The following PCDHA5 variants were observed in gnomAD, a reference collection of about 807,000 sequenced individuals.
PCDHA5 encodes the protein protocadherin alpha-5.
In PCDHA5, 43 loss-of-function variants were observed where a neutral mutation model predicts 61.6. The observed-to-expected ratio is 0.70, with a 90% CI of 0.55 to 0.90. PCDHA5 has a LOEUF of 0.90. Among genes scored for constraint, PCDHA5 ranks in the 40% least tolerant of loss-of-function variants. The pLI is 0.00. For missense variants in PCDHA5, 1,298 were observed against 1,222.7 expected (o/e 1.06, Z -0.92); for synonymous variants, 627 against 543.9 (o/e 1.15, Z -2.13).
chr5:140,886,884 A>C (rs903199967), intron 1 of PCDHA5, among the ~76,000 whole-genome samples: 9 of 151,846 alleles, frequency 5.9e-5, no homozygotes, highest in African/African-American at 1.9e-4. Flanking sequence ...AACATTCATT[A>C]ATTAAATGCA....
chr5:140,973,362 A>G (rs2096583702), intron 1 of PCDHA5, among the ~76,000 whole-genome samples: 1 of 152,256 alleles, frequency 6.6e-6, no homozygotes, highest in Non-Finnish European at 1.5e-5. Flanking sequence ...ATTTATAAAA[A>G]TTGCACAATG....
chr5:140,976,553 A>C (rs1554237789), intron 1 of PCDHA5, among the ~76,000 whole-genome samples: 1 of 152,074 alleles, frequency 6.6e-6, no homozygotes, highest in African/African-American at 2.4e-5. Flanking sequence ...CCTATCTCAT[A>C]AATAAATAAA....
chr5:140,966,923 G>A (rs781929029), intron 1 of PCDHA5: 36 of 1,602,826 alleles, frequency 2.2e-5, no homozygotes, highest in Non-Finnish European at 3.0e-5. Context: ...AGAGGAGCAG[G>A]CACCCGGCGC....
At chr5:140,961,864 AG>A (rs2095638942) in intron 1 of PCDHA5, among the ~76,000 whole-genome samples, 3 of 151,832 alleles carry the variant, frequency 2.0e-5, no homozygotes, top group Non-Finnish European at 2.9e-5. Context: ...ATCTGGCCAC[AG>A]ATAATTGACT....
intron 1 of PCDHA5, chr5:140,969,449 AG>A (rs1470034134): frequency 2.8e-5 from 43 of 1,510,842 alleles, no homozygotes; most frequent in Non-Finnish European, 3.2e-5. Flanking sequence ...TGGTAAACTG[AG>A]TATATATAGT....
intron 1 of PCDHA5, chr5:140,928,897 G>C: frequency 6.2e-7 from 1 of 1,614,186 alleles, no homozygotes. Flanking sequence ...AGACTTTGAA[G>C]ATGTCTGGGA....
chr5:140,877,121 C>A, intron 1 of PCDHA5: 1 of 1,613,694 alleles, frequency 6.2e-7, no homozygotes, highest in African/African-American at 1.3e-5. Flanking sequence ...AGCAACGTGA[C>A]GCTGCAGGTG....
intron 1 of PCDHA5, among the ~76,000 whole-genome samples, chr5:140,958,951 A>C (rs1212039253): frequency 6.6e-6 from 1 of 151,992 alleles, no homozygotes; most frequent in Non-Finnish European, 1.5e-5. Flanking sequence ...ATATTATATT[A>C]TTATAATTGT....
chr5:140,881,909 G>A (rs941994896), intron 1 of PCDHA5: 2 of 230,500 alleles, frequency 8.7e-6, no homozygotes, highest in Non-Finnish European at 1.7e-5. Context: ...AATATAAAAT[G>A]TTGAGCAGAA....
intron 1 of PCDHA5, among the ~76,000 whole-genome samples, chr5:140,947,229 G>GA (rs201242412): frequency 9.4e-5 from 14 of 148,904 alleles, no homozygotes; most frequent in South Asian, 2.1e-4. Context: ...TTTATGACAG[G>GA]AAAAAAAAAT....
chr5:140,843,374 G>A (rs1778834369), intron 1 of PCDHA5: 1 of 1,596,014 alleles, frequency 6.3e-7, no homozygotes, highest in Non-Finnish European at 8.6e-7. Context: ...GCAGTCGGCT[G>A]GCGTTTTGGG....
chr5:140,919,480 T>C (rs1745975489), intron 1 of PCDHA5, among the ~76,000 whole-genome samples: 1 of 152,198 alleles, frequency 6.6e-6, no homozygotes, highest in Admixed American at 6.5e-5. Context: ...TATTTGGATT[T>C]ATGTTTGTTA....
At chr5:140,979,051 G>T (rs1554240209) in intron 2 of PCDHA5, 44 bp downstream of exon 2, 1 of 1,609,534 alleles carries the variant, frequency 6.2e-7, no homozygotes, top group South Asian at 1.1e-5. Flanking sequence ...ACCTTAACTT[G>T]GTATGGCTCA....
At chr5:140,933,630 C>T (rs2089281438) in intron 1 of PCDHA5, among the ~76,000 whole-genome samples, 1 of 151,952 alleles carries the variant, frequency 6.6e-6, no homozygotes, top group Admixed American at 6.6e-5. Flanking sequence ...TAGGCTGGCC[C>T]TGTTAAACAA....
chr5:140,857,348 C>T lies in PCDHA5; in HGVS notation c.2352+33221C>T, dbSNP rs782358430. 9.4e-6 allele frequency: 15 copies of T among 1,598,398 alleles called. 2 individuals carry two copies. The highest frequency in any genetic ancestry group is 6.7e-5 in the African/African-American group (5 of 74,370). On this transcript the variant is annotated intron_variant, in intron 1 of 3. Coordinates refer to ENST00000529859, the MANE Select transcript of PCDHA5 (RefSeq NM_018908.3). ...CGCGCGGGACGGGGGCTCGCCTCCG[C>T]TGTGGGCCACGGCCAGCGTGTCTGT... is the stretch of plus-strand genomic sequence containing the variant.
chr5:140,976,798 A>G (rs571590033), intron 1 of PCDHA5, among the ~76,000 whole-genome samples: 169 of 152,368 alleles, frequency 1.1e-3, no homozygotes, highest in Admixed American at 1.8e-3. Context: ...GCTTTTATGA[A>G]TATCTGAAGA....
chr5:141,009,494 A>G (rs1554262180), intron 3 of PCDHA5, 133 bp from the exon 4 acceptor site: 16 of 1,488,800 alleles, frequency 1.1e-5, no homozygotes, highest in Non-Finnish European at 1.4e-5. Flanking sequence ...TTGCCCTCAG[A>G]CTTGAACAAA....
At position 140,836,981 on chromosome 5, in the gene PCDHA5, G is replaced by A. The variant is rs183710042; in HGVS notation, c.2352+12854G>A. ...TGTTGGCTACTCTCCATTTTTGGAG[G>A]AGGACTTTGCTAACTGGAGCAATGG... On this transcript the variant is annotated intron_variant, in intron 1 of 3. Coordinates refer to ENST00000529859, the MANE Select transcript of PCDHA5 (RefSeq NM_018908.3). 6.9e-5 allele frequency: 25 copies of A among 364,912 alleles called. 1 individual carries two copies. The highest frequency in any genetic ancestry group is 8.2e-5 in the Non-Finnish European group (17 of 207,076). The allele number at this position is 364,912 out of a possible 1,614,324, so 22.6% of individuals were successfully genotyped here.
At position 140,838,077 on chromosome 5, in the gene PCDHA5, A is replaced by AGTGTGT. The variant is rs57130401; in HGVS notation, c.2352+13999_2352+14004dup. Among the ~76,000 whole-genome samples the AGTGTGT allele has an allele frequency of 1.0e-3, 82 of 80,686 alleles. 1 individual carries two copies. Among genetic ancestry groups the AGTGTGT allele is most frequent in the East Asian group, 2.6e-3 (8 of 3,058 alleles). The allele number at this position is 80,686 out of a possible 152,430, so 52.9% of individuals were successfully genotyped here. A position where few individuals can be genotyped will look rare whatever the true frequency, so the allele number is the denominator to read the frequency against. On this transcript the variant is annotated intron_variant, in intron 1 of 3. Coordinates refer to ENST00000529859, the MANE Select transcript of PCDHA5 (RefSeq NM_018908.3). ...TTTCCACTTTAAGTTATATATATATAGTGTGTGTGTGTGTGTGTGTGTGTG... is the reference window on the plus strand; with the variant it reads ...TTTCCACTTTAAGTTATATATATATAGTGTGTGTGTGTGTGTGTGTGTGTGTGTGTG...
Sources: allele counts gnomAD v4.1 joint callset (sites outside exome capture counted in the v4.1 genomes callset), GRCh38; gene constraint gnomAD v4.1.1; transcripts MANE v1.5; gene names NCBI Gene and HGNC (gene_info 2026-07-23, HGNC 2026-07-21).